The following PTGR3 variants were observed in gnomAD, a reference collection of about 807,000 sequenced individuals.
PTGR3 encodes prostaglandin reductase 3.
the PTGR3 span, among the ~76,000 whole-genome samples, chr18:75,204,703 C>T: frequency 6.6e-6 from 1 of 152,144 alleles, no homozygotes; most frequent in South Asian, 2.1e-4. Context: ...CGCGCAGGCC[C>T]GGCGCCGCGG....
the PTGR3 span, among the ~76,000 whole-genome samples, chr18:75,207,361 TA>T: frequency 1.4e-3 from 213 of 152,366 alleles, no homozygotes; most frequent in Middle Eastern, 0.01. Context: ...TCTTGCCCGT[TA>T]AAGTTTGTTT....
the PTGR3 span, chr18:75,208,261 G>C: frequency 1.1e-6 from 1 of 936,680 alleles, no homozygotes; most frequent in Non-Finnish European, 1.3e-6. Context: ...TCAGGGGACA[G>C]ACAACAGTCA....
At chr18:75,208,791 G>A in the PTGR3 span, 81 of 1,329,088 alleles carry the variant, frequency 6.1e-5, no homozygotes, top group Non-Finnish European at 7.4e-5. Context: ...GGAGCGGCGC[G>A]GCGCGGCGCG....
the PTGR3 span, among the ~76,000 whole-genome samples, chr18:75,204,157 T>C: frequency 1.3e-5 from 2 of 152,242 alleles, no homozygotes; most frequent in African/African-American, 4.8e-5. Context: ...AGACCCCGCC[T>C]TGGGGGGACA....
At chr18:75,209,056 C>T in the PTGR3 span, 20 of 1,541,700 alleles carry the variant, frequency 1.3e-5, no homozygotes, top group Middle Eastern at 2.1e-4. This position sits in a 1 kb window ranked among gnomAD's most constrained non-coding sequence, Gnocchi z 4.7. Flanking sequence ...CCAGCCGCAG[C>T]ATGGCCTGCG....
At chr18:75,198,190 G>A in the PTGR3 span, 2 of 152,190 alleles carry the variant, frequency 1.3e-5, no homozygotes, top group Non-Finnish European at 2.9e-5. Context: ...GGTCCCTAAG[G>A]CAGGCATGTG....
chr18:75,204,052 G>A, the PTGR3 span, among the ~76,000 whole-genome samples: 1 of 152,234 alleles, frequency 6.6e-6, no homozygotes, highest in Admixed American at 6.5e-5. Flanking sequence ...GCAATCCTTT[G>A]CCCACGATTA....
At chr18:75,202,673 A>G in the PTGR3 span, among the ~76,000 whole-genome samples, 1 of 151,846 alleles carries the variant, frequency 6.6e-6, no homozygotes, top group Admixed American at 6.5e-5. Flanking sequence ...AGCAAAAAAA[A>G]AAAAAAGAAA....
the PTGR3 span, among the ~76,000 whole-genome samples, chr18:75,204,255 C>T: frequency 6.6e-6 from 1 of 152,320 alleles, no homozygotes; most frequent in South Asian, 2.1e-4. Flanking sequence ...AAAATGCAAC[C>T]CCCCCTCTCC....
chr18:75,197,488 G>T, the PTGR3 span: 1 of 152,146 alleles, frequency 6.6e-6, no homozygotes, highest in African/African-American at 2.4e-5. Context: ...CCAGTTTAAA[G>T]TGACCACACC....
the PTGR3 span, chr18:75,196,293 C>T: frequency 6.6e-6 from 1 of 152,052 alleles, no homozygotes; most frequent in Non-Finnish European, 1.5e-5. Flanking sequence ...GATAGTGCTC[C>T]TCAAGGGAAA....
the PTGR3 span, chr18:75,201,820 C>A: frequency 8.7e-6 from 14 of 1,614,166 alleles, no homozygotes; most frequent in Non-Finnish European, 1.1e-5. Flanking sequence ...GATTCATAGA[C>A]CACATCGACA....
chr18:75,198,241 G>T, the PTGR3 span: 3 of 152,190 alleles, frequency 2.0e-5, no homozygotes, highest in Non-Finnish European at 4.4e-5. Flanking sequence ...GCATCTTGTG[G>T]TGGTGAACAC....
chr18:75,202,206 T>C, the PTGR3 span: 131 of 1,614,142 alleles, frequency 8.1e-5, no homozygotes, highest in African/African-American at 1.0e-3. Flanking sequence ...GCCAACTGTG[T>C]ATCTGGCACT....
chr18:75,202,006 C>T, the PTGR3 span: 2 of 1,614,106 alleles, frequency 1.2e-6, no homozygotes, highest in Non-Finnish European at 1.7e-6. Flanking sequence ...GTTCCCCCAG[C>T]TGCTGCTGTC....
the PTGR3 span, chr18:75,201,920 A>G: frequency 2.5e-6 from 4 of 1,614,086 alleles, no homozygotes; most frequent in East Asian, 2.2e-5. Context: ...TCAGAAAAGC[A>G]GACTTTTCAT....
chr18:75,197,755 C>T, the PTGR3 span: 1 of 152,026 alleles, frequency 6.6e-6, no homozygotes, highest in Non-Finnish European at 1.5e-5. Context: ...TTGTGTTTAA[C>T]CAAGTAATAA....
At chr18:75,201,748 C>G in the PTGR3 span, 1 of 1,614,238 alleles carries the variant, frequency 6.2e-7, no homozygotes, top group Non-Finnish European at 8.5e-7. Flanking sequence ...AACCCTATTA[C>G]TATCAAGCGC....
the PTGR3 span, among the ~76,000 whole-genome samples, chr18:75,203,490 T>G: frequency 6.6e-6 from 1 of 152,220 alleles, no homozygotes; most frequent in East Asian, 1.9e-4. Flanking sequence ...GGTAATACTC[T>G]GCGCTTATAA....
Sources: gnomAD v4.1 joint callset for allele counts (sites outside exome capture counted in the v4.1 genomes callset) on GRCh38, gnomAD v4.1.1 for gene constraint, Gnocchi (gnomAD v3.1) non-coding constraint, MANE v1.5 for transcripts, NCBI Gene and HGNC (gene_info 2026-07-23, HGNC 2026-07-21) for gene names.